The following HMCN2 variants were observed in gnomAD, a reference collection of about 807,000 sequenced individuals.
HMCN2 encodes hemicentin 2.
HMCN2 carries 325 observed loss-of-function variants against 377.5 expected under a neutral mutation model. The ratio of observed to expected loss-of-function variants is 0.86; its 90% CI spans 0.79 to 0.94. The LOEUF (loss-of-function observed/expected upper bound fraction) is 0.94. Ranked by LOEUF, HMCN2 falls within the 40% of genes least tolerant of loss-of-function variation. The pLI is 0.00. For synonymous variants in HMCN2, 2,007 were observed against 2,046.8 expected (o/e 0.98, Z 0.53); for missense variants, 4,543 against 4,725.3 (o/e 0.96, Z 1.13).
rs75339714 is a variant in HMCN2, at chr9:130,348,004, G to A, written c.4025-541G>A. 10,564 of 985,348 alleles carry A rather than the reference G, an allele frequency of 0.011. 567 individuals carry two copies. In the East Asian group the frequency reaches 0.31, roughly 29 times the overall value. The allele number at this position is 985,348 out of a possible 1,614,324, so 61.0% of individuals were successfully genotyped here. On this transcript the variant is annotated intron_variant, in intron 26 of 97. Transcript: ENST00000683500. ...CCCACCCCCACATCCAGGGTGCTAT[G>A]TGCAGAGGAAAGGAACCCCTCCTTA... is the stretch of plus-strand genomic sequence containing the variant.
chr9:130,368,887 C>G (rs902581004), intron 44 of HMCN2, among the ~76,000 whole-genome samples: 5 of 152,164 alleles, frequency 3.3e-5, no homozygotes, highest in Admixed American at 2.0e-4. Context: ...GTCCCTCTCT[C>G]TGCACGTGGG....
chr9:130,364,680 C>T, intron 40 of HMCN2, 34 bp from the exon 41 acceptor site: 1 of 980,874 alleles, frequency 1.0e-6, no homozygotes, highest in Non-Finnish European at 1.2e-6. Flanking sequence ...CACCCATGTG[C>T]CTGAGGGAGC....
At chr9:130,336,555 C>T (rs1838756627) in intron 22 of HMCN2, among the ~76,000 whole-genome samples, 1 of 152,138 alleles carries the variant, frequency 6.6e-6, no homozygotes. Flanking sequence ...ACACAGCTAG[C>T]GCATGGCCTA....
chr9:130,302,049 C>CTTTTTTTT (rs60456645), intron 8 of HMCN2, among the ~76,000 whole-genome samples: 52 of 147,492 alleles, frequency 3.5e-4, no homozygotes, highest in South Asian at 1.9e-3. Flanking sequence ...TCTAGCTGTG[C>CTTTTTTTT]TTTTTTTTTT....
At chr9:130,267,079 G>A (rs1405248356) in intron 1 of HMCN2, among the ~76,000 whole-genome samples, 8 of 151,940 alleles carry the variant, frequency 5.3e-5, no homozygotes, top group African/African-American at 9.7e-5. Flanking sequence ...CCAAGTAGCT[G>A]GGACTACAAG....
intron 89 of HMCN2, 62 bp from the exon 90 acceptor site, chr9:130,425,625 C>T: frequency 1.8e-6 from 2 of 1,111,840 alleles, no homozygotes; most frequent in Non-Finnish European, 2.6e-6. Flanking sequence ...CCCCTTCCAA[C>T]CCTGACCCCT....
In HMCN2 at chr9:130,424,820, T is replaced by G. The variant is rs1176355860; in HGVS notation, c.13426T>G (p.Trp4476Gly). ...VLVVTIAPIY[W>G]ALARESGEAL... ...CGTGGTCACCATCGCCCCCATCTAC[T>G]GGGCCCTGGCCAGAGAGAGTGGGGA... is the stretch of plus-strand genomic sequence containing the variant. Residue 4476 changes from tryptophan (W) to glycine (G), a missense_variant, in exon 88 of 98, where the codon TGG (tryptophan) becomes GGG (glycine). Coordinates refer to ENST00000683500, the MANE Select transcript of HMCN2 (RefSeq NM_001291815.2). 7 of 1,532,796 alleles carry G rather than the reference T, an allele frequency of 4.6e-6. No individual in the cohort carries two copies. The Admixed American group carries it at 6.1e-5, about 13-fold the overall frequency. 94.9% of individuals were successfully genotyped at this position (1,532,796 alleles called of 1,614,324 possible).
At chr9:130,284,168 A>G (rs1275052712) in intron 1 of HMCN2, among the ~76,000 whole-genome samples, 1 of 152,218 alleles carries the variant, frequency 6.6e-6, no homozygotes, top group East Asian at 1.9e-4. Flanking sequence ...TTTGTTGAGC[A>G]GCTGGTGTTG....
At position 130,304,669 on chromosome 9, in the gene HMCN2, G is replaced by A. The variant is rs139809772; in HGVS notation, c.1544-61G>A. ...GGGGTTCTGGGCAGCACCAGGGCTT[G>A]CACGATGACCCCCTCCCTTGCCTCA... On this transcript the variant is annotated intron_variant, in intron 10 of 97. Transcript: ENST00000683500. The surrounding 1 kb of genome is among the most constrained non-coding windows in gnomAD (Gnocchi z 4.3). 2.4e-6 allele frequency: 1 copy of A among 415,504 alleles called. No individual in the cohort carries two copies. The highest frequency in any genetic ancestry group is 2.0e-5 in the African/African-American group (1 of 49,414). The allele number at this position is 415,504 out of a possible 1,614,324, so 25.7% of individuals were successfully genotyped here. A position where few individuals can be genotyped will look rare whatever the true frequency, so the allele number is the denominator to read the frequency against.
chr9:130,319,408 G>A (rs1295764300), intron 15 of HMCN2, 87 bp from the exon 16 acceptor site: 1 of 152,442 alleles, frequency 6.6e-6, no homozygotes. Flanking sequence ...CAATAGTACA[G>A]GAGGAGGAGA....
intron 87 of HMCN2, among the ~76,000 whole-genome samples, chr9:130,424,358 T>TG (rs1318888164): frequency 6.6e-6 from 1 of 150,458 alleles, no homozygotes; most frequent in African/African-American, 2.4e-5. Flanking sequence ...TTTTTTTTTT[T>TG]TGTATTTTTA....
At chr9:130,339,514 G>A (rs1337046497) in intron 23 of HMCN2, among the ~76,000 whole-genome samples, 2 of 152,190 alleles carry the variant, frequency 1.3e-5, no homozygotes, top group African/African-American at 2.4e-5. Flanking sequence ...AATAAGCAGG[G>A]CCTCAACGTT....
intron 34 of HMCN2, 48 bp from the exon 35 acceptor site, chr9:130,357,786 C>G: frequency 1.6e-6 from 2 of 1,270,492 alleles, no homozygotes; most frequent in South Asian, 1.3e-5. Flanking sequence ...GCCCACTGTA[C>G]TCCTCCTGAT....
chr9:130,400,632 T>C (rs12335872), intron 76 of HMCN2, 151 bp from the exon 77 acceptor site: 13,179 of 334,430 alleles, frequency 0.039, 449 homozygotes, highest in African/African-American at 0.1. Flanking sequence ...ATGTGCTGAG[T>C]GGGCAAATGT....
At chr9:130,390,380 C>T (rs1306017936) in intron 62 of HMCN2, among the ~76,000 whole-genome samples, 2 of 152,192 alleles carry the variant, frequency 1.3e-5, no homozygotes, top group African/African-American at 2.4e-5. Flanking sequence ...GACTGAGCTG[C>T]CCTCATCTTG....
intron 45 of HMCN2, among the ~76,000 whole-genome samples, chr9:130,370,596 G>A (rs914982): frequency 6.6e-6 from 1 of 152,098 alleles, no homozygotes; most frequent in African/African-American, 2.4e-5. Flanking sequence ...GCTTCCACAC[G>A]TGGATTTGGG....
rs373256533 is a variant in HMCN2 at position 130,430,660 on chromosome 9, C to T, written c.14647+56C>T. The T allele has an allele frequency of 2.5e-5, 36 of 1,459,392 alleles. 1 individual carries two copies. The highest frequency in any genetic ancestry group is 1.7e-4 in the East Asian group (7 of 40,100). 90.4% of individuals were successfully genotyped at this position (1,459,392 alleles called of 1,614,324 possible). On this transcript the variant is annotated intron_variant, in intron 95 of 97. Transcript: ENST00000683500. ...ACTGCCGTTATGGGCTCTTGGGCCC[C>T]TAGGGTGGGTGTGCAGGTGTCACCC... is the stretch of plus-strand genomic sequence containing the variant.
Position 130,394,115 on chromosome 9 carries a change from G to C in HMCN2, c.10501+107G>C. 9.6e-7 allele frequency: 1 copy of C among 1,043,992 alleles called. No individual in the cohort carries two copies. Among genetic ancestry groups the C allele is most frequent in the Non-Finnish European group, 1.2e-6 (1 of 811,460 alleles). 64.7% of individuals were successfully genotyped at this position (1,043,992 alleles called of 1,614,324 possible). ...GGAGGTGAGTCCCCTGGAGACCTGG[G>C]ACTGCCACCTGGGAGCAGAACTCAG... On this transcript the variant is annotated intron_variant, in intron 68 of 97. Transcript: ENST00000683500. The surrounding 1 kb of genome is among the most constrained non-coding windows in gnomAD (Gnocchi z 5.1).
At chr9:130,386,211 C>T (rs1175997356) in intron 60 of HMCN2, among the ~76,000 whole-genome samples, 2 of 152,140 alleles carry the variant, frequency 1.3e-5, no homozygotes, top group African/African-American at 2.4e-5. Flanking sequence ...CCAGCTTGGC[C>T]CAGGGAGGGA....
Sources: gnomAD v4.1 joint callset for allele counts (sites outside exome capture counted in the v4.1 genomes callset) on GRCh38, gnomAD v4.1.1 for gene constraint, Gnocchi (gnomAD v3.1) non-coding constraint, MANE v1.5 for transcripts, NCBI Gene and HGNC (gene_info 2026-07-23, HGNC 2026-07-21) for gene names.